The following PDZK1 variants were observed in gnomAD, a reference collection of about 807,000 sequenced individuals.
The protein encoded by PDZK1 is PDZ domain containing 1.
In PDZK1, 23 loss-of-function variants were observed where a neutral mutation model predicts 38.1. That is an observed-to-expected ratio of 0.60 (90% confidence interval 0.43 to 0.85). The LOEUF is 0.85. Among genes scored for constraint, PDZK1 ranks in the 40% least tolerant of loss-of-function variants. PDZK1 has a pLI of 0.00. For missense variants in PDZK1, 297 were observed against 504.3 expected (o/e 0.59, Z 3.94); for synonymous variants, 98 against 186.2 (o/e 0.53, Z 3.86).
chr1:145,671,161 T>TAGTTA lies in PDZK1; in HGVS notation c.*270_*274dup, dbSNP rs763672269. The TAGTTA allele has an allele frequency of 3.0e-5, 30 of 1,013,446 alleles. No homozygotes were observed. The highest frequency in any genetic ancestry group is 3.8e-5 in the Non-Finnish European group (29 of 764,922). The allele number at this position is 1,013,446 out of a possible 1,614,324, so 62.8% of individuals were successfully genotyped here. Reference sequence around the variant, plus strand: ...AGAGACATCATCATACAGAGAAATGTAGTTAAGTTAAGTTGAAGCTTGGAA... The same window carrying TAGTTA: ...AGAGACATCATCATACAGAGAAATGTAGTTAAGTTAAGTTAAGTTGAAGCTTGGAA... On this transcript the variant is annotated 3_prime_UTR_variant, in exon 9 of 9. Coordinates refer to ENST00000417171, the MANE Select transcript of PDZK1 (RefSeq NM_001201325.2).
At chr1:145,698,379 T>C (rs587772506) in intron 1 of PDZK1, among the ~76,000 whole-genome samples, 1 of 152,252 alleles carries the variant, frequency 6.6e-6, no homozygotes, top group East Asian at 1.9e-4. Context: ...AGAAATTCTA[T>C]GTAAACCAAA....
At chr1:145,683,701 A>C (rs1353925171) in intron 3 of PDZK1, among the ~76,000 whole-genome samples, 3 of 152,210 alleles carry the variant, frequency 2.0e-5, no homozygotes, top group Admixed American at 6.5e-5. Flanking sequence ...CTGTGCTTAC[A>C]TACCTACAAT....
intron 1 of PDZK1, among the ~76,000 whole-genome samples, chr1:145,699,066 T>C (rs1655799969): frequency 6.6e-6 from 1 of 151,936 alleles, no homozygotes; most frequent in Non-Finnish European, 1.5e-5. Context: ...GGCGAAACCC[T>C]GTCTCTACTA....
Position 145,692,234 on chromosome 1 carries a change from T to C in PDZK1, c.-2-4211A>G, listed in dbSNP as rs1008107323. On this transcript the variant is annotated intron_variant, in intron 1 of 8. Transcript: ENST00000417171. ...AATAGCTGGTGGGACCTAGGGGACT[T>C]CTTCCCAGCCCAAGGCAGGCCAAGG... Among the ~76,000 whole-genome samples, 19 of 152,210 alleles carry C rather than the reference T, an allele frequency of 1.2e-4. 1 individual carries two copies. The highest frequency in any genetic ancestry group is 4.3e-4 in the African/African-American group (18 of 41,508).
At chr1:145,670,928 A>G (rs1185460486), downstream of PDZK1, 1 of 149,682 alleles carries the variant, frequency 6.7e-6, no homozygotes, top group African/African-American at 2.5e-5. Context: ...GAGGCAAATG[A>G]AGGTTAAAGC....
chr1:145,705,251 C>T (rs782035411), intron 1 of PDZK1, among the ~76,000 whole-genome samples: 2 of 152,196 alleles, frequency 1.3e-5, no homozygotes, highest in African/African-American at 2.4e-5. Flanking sequence ...GTACCACGCC[C>T]GGCTAATTTT....
intron 1 of PDZK1, among the ~76,000 whole-genome samples, chr1:145,697,663 T>A (rs1655703895): frequency 6.6e-6 from 1 of 151,428 alleles, no homozygotes; most frequent in African/African-American, 2.4e-5. Context: ...AGTGGTGCGA[T>A]CTCAGCTCAC....
At chr1:145,689,741 AG>A (rs2101910158) in intron 1 of PDZK1, among the ~76,000 whole-genome samples, 1 of 152,256 alleles carries the variant, frequency 6.6e-6, no homozygotes, top group Admixed American at 6.5e-5. Context: ...TCCCTCCTGG[AG>A]GGACAAGAAC....
At chr1:145,690,058 C>A (rs1571619709) in intron 1 of PDZK1, among the ~76,000 whole-genome samples, 1 of 152,206 alleles carries the variant, frequency 6.6e-6, no homozygotes, top group Admixed American at 6.5e-5. Flanking sequence ...CACCAGTGGT[C>A]AACACCAGCA....
chr1:145,706,714 A>G lies in PDZK1; in HGVS notation c.-3+603T>C, dbSNP rs146469071. Among the ~76,000 whole-genome samples, 54 of 152,270 alleles carry G rather than the reference A, an allele frequency of 3.5e-4. 1 individual carries two copies. Among genetic ancestry groups the G allele is most frequent in the Non-Finnish European group, 1.3e-4 (9 of 68,016 alleles). ...AGAGTTTTCAAATAAAGATCTTTCA[A>G]TTCACACAAGGCCTGGAGACTTAGA... On this transcript the variant is annotated intron_variant, in intron 1 of 8. Coordinates refer to ENST00000417171, the MANE Select transcript of PDZK1 (RefSeq NM_001201325.2).
At chr1:145,707,149 T>C (rs1183130008) in intron 1 of PDZK1, among the ~76,000 whole-genome samples, 168 bp downstream of exon 1, 1 of 152,014 alleles carries the variant, frequency 6.6e-6, no homozygotes, top group African/African-American at 2.4e-5. Flanking sequence ...GGATCATCTC[T>C]CACCCCCAAC....
intron 1 of PDZK1, among the ~76,000 whole-genome samples, chr1:145,693,651 G>A (rs969294726): frequency 9.2e-5 from 14 of 152,138 alleles, no homozygotes; most frequent in Non-Finnish European, 1.5e-4. Flanking sequence ...GCGGGCGCCT[G>A]TGGTCCCAGC....
At chr1:145,683,389 T>A (rs1253644481) in intron 3 of PDZK1, among the ~76,000 whole-genome samples, 1 of 152,256 alleles carries the variant, frequency 6.6e-6, no homozygotes, top group Non-Finnish European at 1.5e-5. Flanking sequence ...GCCCTTTCTT[T>A]GCATTTGTAG....
At chr1:145,702,902 G>C (rs1656045072) in intron 1 of PDZK1, among the ~76,000 whole-genome samples, 1 of 151,934 alleles carries the variant, frequency 6.6e-6, no homozygotes, top group Non-Finnish European at 1.5e-5. Context: ...CAAAAAAAAA[G>C]AAGTTCAAGC....
chr1:145,695,804 A>G (rs1655596823), intron 1 of PDZK1, among the ~76,000 whole-genome samples: 3 of 152,188 alleles, frequency 2.0e-5, no homozygotes, highest in Admixed American at 2.0e-4. Flanking sequence ...CAGCCATCAG[A>G]ATAGAATGAA....
At chr1:145,706,681 A>T (rs1656267805) in intron 1 of PDZK1, among the ~76,000 whole-genome samples, 2 of 152,146 alleles carry the variant, frequency 1.3e-5, no homozygotes. Flanking sequence ...GATCAGAATG[A>T]TTCTGGGAGA....
chr1:145,686,199 C>T, intron 3 of PDZK1, among the ~76,000 whole-genome samples: 1 of 152,236 alleles, frequency 6.6e-6, no homozygotes, highest in Middle Eastern at 3.4e-3. Flanking sequence ...TCAAAGAGTC[C>T]TCAAGTGCCA....
At chr1:145,680,461 C>G (rs1239492724) in intron 5 of PDZK1, among the ~76,000 whole-genome samples, 1 of 151,934 alleles carries the variant, frequency 6.6e-6, no homozygotes, top group Non-Finnish European at 1.5e-5. Flanking sequence ...CAAATCCTCA[C>G]CCACACCTCG....
intron 1 of PDZK1, among the ~76,000 whole-genome samples, chr1:145,700,052 A>G (rs1655872110): frequency 6.6e-6 from 1 of 152,198 alleles, no homozygotes; most frequent in African/African-American, 2.4e-5. Context: ...ATTTTCTGTG[A>G]GAATATTTGA....
Sources: gnomAD v4.1 joint callset for allele counts (sites outside exome capture counted in the v4.1 genomes callset) on GRCh38, gnomAD v4.1.1 for gene constraint, MANE v1.5 for transcripts, NCBI Gene and HGNC (gene_info 2026-07-23, HGNC 2026-07-21) for gene names.